Variants in ARID1B observed in about 807,000 individuals in gnomAD.
The protein encoded by ARID1B is AT-rich interaction domain 1B.
Under a neutral mutation model 212.3 loss-of-function variants are expected in ARID1B, and 30 were observed. That is an observed-to-expected ratio of 0.14 (90% CI 0.11 to 0.19). The LOEUF is 0.19. Among genes scored for constraint, ARID1B ranks in the 10% least tolerant of loss-of-function variants. The pLI is 1.00. For synonymous variants in ARID1B, 1,402 were observed against 1,301.7 expected, an observed-to-expected ratio of 1.08 and a Z score of -1.66; for missense variants, 2,891 against 3,204.0, an observed-to-expected ratio of 0.90 and a Z score of 2.36.
In ARID1B at chr6:157,197,415, C is replaced by T. The variant is rs552955693; in HGVS notation, c.4382+1100C>T. ...GGATGGGTCAGTGGGAAAGCTTCCT[C>T]AGTGTAATACAAAGGAGAAAAAGGT... is the stretch of plus-strand genomic sequence containing the variant. On this transcript the variant is annotated intron_variant, in intron 16 of 19. Coordinates refer to ENST00000636930, the MANE Select transcript of ARID1B (RefSeq NM_001374828.1). Among the ~76,000 whole-genome samples the T allele has an allele frequency of 2.1e-4, 32 of 152,298 alleles. No homozygotes were observed. The South Asian group carries it at 3.5e-3, about 17-fold the overall frequency.
intron 4 of ARID1B, among the ~76,000 whole-genome samples, chr6:157,062,133 C>T (rs1436915309): frequency 1.3e-5 from 2 of 152,114 alleles, no homozygotes; most frequent in Admixed American, 6.5e-5. Flanking sequence ...TACATAGCTA[C>T]AACATTAGAT....
At chr6:156,838,138 A>T (rs1047085319) in intron 2 of ARID1B, among the ~76,000 whole-genome samples, 5 of 151,900 alleles carry the variant, frequency 3.3e-5, no homozygotes, top group East Asian at 1.9e-4. Context: ...ATTTTATTTT[A>T]TTTTTTTTAA....
At chr6:157,126,117 G>T (rs1788120644) in intron 6 of ARID1B, among the ~76,000 whole-genome samples, 1 of 152,160 alleles carries the variant, frequency 6.6e-6, no homozygotes, top group Non-Finnish European at 1.5e-5. Flanking sequence ...AGCTCAGATA[G>T]AACCCCGCGC....
chr6:156,916,041 G>T, intron 3 of ARID1B, among the ~76,000 whole-genome samples: 1 of 149,440 alleles, frequency 6.7e-6, no homozygotes, highest in African/African-American at 2.5e-5. Context: ...TTTATTTTTA[G>T]TGAGGATTTA....
In ARID1B at chr6:157,202,039, G is replaced by A. The variant is rs141732012; in HGVS notation, c.5263+551G>A. Among the ~76,000 whole-genome samples, 151 of 152,310 alleles carry A rather than the reference G, an allele frequency of 9.9e-4. 1 individual carries two copies. Among genetic ancestry groups the A allele is most frequent in the Admixed American group, 1.6e-3 (24 of 15,306 alleles). ...TGGTGACAACATACAGTGAATTTCCGTGGGAAAAAGTTAAAGCTTGTATGT... is the reference window on the plus strand; with the variant it reads ...TGGTGACAACATACAGTGAATTTCCATGGGAAAAAGTTAAAGCTTGTATGT... On this transcript the variant is annotated intron_variant, in intron 18 of 19. Transcript: ENST00000636930.
chr6:156,891,329 C>T (rs1319021455), intron 2 of ARID1B, among the ~76,000 whole-genome samples: 1 of 152,148 alleles, frequency 6.6e-6, no homozygotes, highest in Non-Finnish European at 1.5e-5. Context: ...TAGAATTTAC[C>T]TGGAGGGGTT....
chr6:156,921,441 ACACACACAC>A (rs1790780985), intron 3 of ARID1B, among the ~76,000 whole-genome samples: 1 of 438 alleles, frequency 2.3e-3, no homozygotes, highest in East Asian at 8.6e-3. Flanking sequence ...ATGGGAAAAC[ACACACACAC>A]ACACACACAC....
At chr6:157,186,550 C>T (rs1187229994) in intron 13 of ARID1B, 3 of 470,928 alleles carry the variant, frequency 6.4e-6, no homozygotes, top group African/African-American at 6.0e-5. Context: ...TCTCCGATTC[C>T]AGTCCCATCA....
intron 7 of ARID1B, among the ~76,000 whole-genome samples, chr6:157,138,109 G>GCC (rs1177674571): frequency 6.6e-6 from 1 of 152,146 alleles, no homozygotes; most frequent in East Asian, 1.9e-4. Flanking sequence ...GAGTTGTGGG[G>GCC]CCCCTGGCTA....
At chr6:156,966,386 C>T (rs9717492) in intron 4 of ARID1B, among the ~76,000 whole-genome samples, 1,314 of 38,504 alleles carry the variant, frequency 0.034, 25 homozygotes, top group African/African-American at 0.054. Context: ...CTTTTCTTTT[C>T]TTTTTTTTTT....
chr6:157,170,982 C>T (rs1428299149), intron 9 of ARID1B, among the ~76,000 whole-genome samples: 2 of 152,166 alleles, frequency 1.3e-5, no homozygotes, highest in African/African-American at 2.4e-5. Context: ...TGGTATATTA[C>T]CATGAAATGA....
rs150781911 is a variant in ARID1B, at chr6:157,148,037, C to T, written c.2762-587C>T. 6.7e-6 allele frequency among the ~76,000 whole-genome samples: 1 copy of T among 150,142 alleles called. No individual in the cohort carries two copies. Among genetic ancestry groups the T allele is most frequent in the African/African-American group, 2.5e-5 (1 of 40,486 alleles). On this transcript the variant is annotated intron_variant, in intron 7 of 19. Transcript: ENST00000636930. This position sits in a 1 kb window ranked among gnomAD's most constrained non-coding sequence, Gnocchi z 5.6. ...CACAAACCAGCTGCTCGATCTGGTA[C>T]TCAAGCAAAAAAAGAAAGAAAGAAA...
In ARID1B at chr6:157,190,370, G is replaced by A. The variant is rs1046840073; in HGVS notation, c.4231+160G>A. ...TACTCCACTTGTGGCCTTGGGAAAA[G>A]CAGTTAGCCTCTTTGTGCCCTCATC... On this transcript the variant is annotated intron_variant, in intron 15 of 19. Coordinates refer to ENST00000636930, the MANE Select transcript of ARID1B (RefSeq NM_001374828.1). This position sits in a 1 kb window ranked among gnomAD's most constrained non-coding sequence, Gnocchi z 4.6. 6.6e-6 allele frequency among the ~76,000 whole-genome samples: 1 copy of A among 152,248 alleles called. No individual in the cohort carries two copies. The highest frequency in any genetic ancestry group is 2.4e-5 in the African/African-American group (1 of 41,462).
chr6:156,928,035 T>TC (rs148113738), intron 3 of ARID1B, among the ~76,000 whole-genome samples: 2,003 of 152,210 alleles, frequency 0.013, 32 homozygotes, highest in African/African-American at 0.045. Flanking sequence ...AGGAAGGGCA[T>TC]CCACTTGGAC....
chr6:157,137,902 AT>A (rs201070874), intron 7 of ARID1B, among the ~76,000 whole-genome samples: 108 of 150,462 alleles, frequency 7.2e-4, no homozygotes, highest in African/African-American at 2.5e-3. Flanking sequence ...GGGTTTAAAG[AT>A]TTTTTTTTTC....
chr6:157,040,004 C>G (rs1300204032), intron 4 of ARID1B, among the ~76,000 whole-genome samples: 1 of 150,238 alleles, frequency 6.7e-6, no homozygotes, highest in Non-Finnish European at 1.5e-5. Context: ...GGCTAGAGTT[C>G]AGTGGTGCGA....
intron 1 of ARID1B, among the ~76,000 whole-genome samples, chr6:156,809,772 A>G (rs535244457): frequency 8.6e-5 from 13 of 151,840 alleles, no homozygotes; most frequent in Non-Finnish European, 7.4e-5. Context: ...AAATGATTCA[A>G]AAGTAGCCTT....
intron 8 of ARID1B, among the ~76,000 whole-genome samples, chr6:157,159,936 T>C (rs549780890): frequency 1.0e-3 from 159 of 152,348 alleles, no homozygotes; most frequent in Non-Finnish European, 2.0e-3. Context: ...CGCAAAACAA[T>C]ATTCTTCTTT....
At chr6:157,149,537 T>C (rs1194106527) in intron 8 of ARID1B, 6 of 152,272 alleles carry the variant, frequency 3.9e-5, no homozygotes, top group African/African-American at 1.2e-4. Flanking sequence ...AAAGCAAATA[T>C]AATATTTTAG....
Sources: allele counts gnomAD v4.1 joint callset (sites outside exome capture counted in the v4.1 genomes callset), GRCh38; gene constraint gnomAD v4.1.1; non-coding constraint Gnocchi (gnomAD v3.1); transcripts MANE v1.5; gene names NCBI Gene and HGNC (gene_info 2026-07-23, HGNC 2026-07-21).